Variants in FBXL7 observed in about 807,000 individuals in gnomAD.
FBXL7 encodes the protein F-box and leucine rich repeat protein 7.
In FBXL7, 12 loss-of-function variants were observed where a neutral mutation model predicts 38.3. The observed-to-expected ratio is 0.31, with a 90% CI of 0.20 to 0.51. The LOEUF is 0.51. Ranked by LOEUF, FBXL7 falls within the 20% of genes least tolerant of loss-of-function variation. The pLI, the probability that FBXL7 is intolerant of heterozygous loss-of-function variation, is 0.98. For synonymous variants in FBXL7, 297 were observed against 300.9 expected, an observed-to-expected ratio of 0.99 and a Z score of 0.13; for missense variants, 567 against 676.4, an observed-to-expected ratio of 0.84 and a Z score of 1.79.
intron 1 of FBXL7, among the ~76,000 whole-genome samples, chr5:15,598,404 GGATGAA>G (rs1243889589): frequency 2.0e-5 from 3 of 152,134 alleles, no homozygotes; most frequent in Admixed American, 6.5e-5. Flanking sequence ...TCTTACTTTA[GGATGAA>G]GATTTTTTTT....
chr5:15,775,696 A>G (rs112526187), intron 2 of FBXL7, among the ~76,000 whole-genome samples: 340 of 152,298 alleles, frequency 2.2e-3, no homozygotes, highest in African/African-American at 7.1e-3. Context: ...CAGAATTTCA[A>G]TGAGGCATGA....
intron 1 of FBXL7, among the ~76,000 whole-genome samples, chr5:15,536,087 T>G (rs1473539585): frequency 6.6e-6 from 1 of 152,224 alleles, no homozygotes; most frequent in Non-Finnish European, 1.5e-5. Flanking sequence ...AGCTTCCACA[T>G]GGTGTTGGGC....
intron 2 of FBXL7, among the ~76,000 whole-genome samples, chr5:15,732,582 A>G (rs886424600): frequency 5.3e-5 from 8 of 152,216 alleles, no homozygotes; most frequent in Non-Finnish European, 1.2e-4. Context: ...CATGTGTGAT[A>G]CCAGTTTAGG....
intron 2 of FBXL7, among the ~76,000 whole-genome samples, chr5:15,841,554 G>T (rs1473880262): frequency 1.3e-5 from 2 of 151,844 alleles, no homozygotes; most frequent in Admixed American, 1.3e-4. Flanking sequence ...CCACCTTCTT[G>T]CATTCCTGAA....
intron 1 of FBXL7, among the ~76,000 whole-genome samples, chr5:15,530,057 T>C (rs2126389484): frequency 6.6e-6 from 1 of 152,336 alleles, no homozygotes; most frequent in Admixed American, 6.5e-5. Context: ...TTGTATCTCT[T>C]AGATAATACC....
intron 2 of FBXL7, among the ~76,000 whole-genome samples, chr5:15,663,345 C>A (rs1049212911): frequency 1.2e-4 from 18 of 152,042 alleles, no homozygotes; most frequent in African/African-American, 4.3e-4. Context: ...TTTGTACATA[C>A]ATTTTGTATC....
intron 2 of FBXL7, among the ~76,000 whole-genome samples, chr5:15,840,364 T>TGAGGAGGAGGGGG (rs1561146795): frequency 2.5e-5 from 1 of 40,486 alleles, no homozygotes; most frequent in African/African-American, 5.4e-5. Context: ...CTCCTCCTCA[T>TGAGGAGGAGGGGG]TCTTTTCCAA....
chr5:15,903,573 T>C (rs912127791), intron 2 of FBXL7, among the ~76,000 whole-genome samples: 1 of 152,172 alleles, frequency 6.6e-6, no homozygotes, highest in Non-Finnish European at 1.5e-5. Context: ...TTTTGGAATA[T>C]CCTTTAAAGG....
At chr5:15,762,079 G>A (rs964845307) in intron 2 of FBXL7, among the ~76,000 whole-genome samples, 4 of 152,160 alleles carry the variant, frequency 2.6e-5, no homozygotes, top group Non-Finnish European at 5.9e-5. Context: ...TTAAGGTGTA[G>A]ACTGGGCTGT....
At chr5:15,845,069 T>G (rs1738856094) in intron 2 of FBXL7, among the ~76,000 whole-genome samples, 1 of 152,228 alleles carries the variant, frequency 6.6e-6, no homozygotes, top group Non-Finnish European at 1.5e-5. Context: ...GAAGCCATCC[T>G]GCAGCCTGGG....
intron 2 of FBXL7, among the ~76,000 whole-genome samples, chr5:15,692,238 C>T (rs530860766): frequency 6.6e-6 from 1 of 152,280 alleles, no homozygotes; most frequent in Non-Finnish European, 1.5e-5. Flanking sequence ...GTACCTACTT[C>T]ATAGAGATGG....
intron 2 of FBXL7, among the ~76,000 whole-genome samples, chr5:15,790,343 G>A (rs1737242073): frequency 1.3e-5 from 2 of 152,080 alleles, no homozygotes; most frequent in South Asian, 4.2e-4. Context: ...CTTGTCTGAT[G>A]TTGGTCCCTT....
At chr5:15,655,849 C>T (rs1741864398) in intron 2 of FBXL7, among the ~76,000 whole-genome samples, 1 of 152,108 alleles carries the variant, frequency 6.6e-6, no homozygotes. Context: ...CAAACCCTGG[C>T]CATTTGACTC....
At chr5:15,786,103 T>C (rs1487934831) in intron 2 of FBXL7, among the ~76,000 whole-genome samples, 1 of 152,204 alleles carries the variant, frequency 6.6e-6, no homozygotes, top group Non-Finnish European at 1.5e-5. Context: ...AAATCATTTT[T>C]TCTGCTAGTG....
chr5:15,750,412 A>G (rs961711990), intron 2 of FBXL7, among the ~76,000 whole-genome samples: 1 of 152,156 alleles, frequency 6.6e-6, no homozygotes, highest in African/African-American at 2.4e-5. Context: ...GCCTTCTTGT[A>G]CTACTTGCTA....
chr5:15,935,226 G>A (rs768030269), intron 3 of FBXL7: 1 of 534,734 alleles, frequency 1.9e-6, no homozygotes, highest in Non-Finnish European at 3.8e-6. Context: ...TTTTACACTT[G>A]GAGTGAACGG....
chr5:15,613,145 T>A (rs1054930637), intron 1 of FBXL7, among the ~76,000 whole-genome samples: 3 of 152,196 alleles, frequency 2.0e-5, no homozygotes, highest in African/African-American at 7.2e-5. Flanking sequence ...CCTTATTAAA[T>A]GGAGTGGTTT....
At chr5:15,663,336 T>C (rs1376084079) in intron 2 of FBXL7, among the ~76,000 whole-genome samples, 1 of 152,188 alleles carries the variant, frequency 6.6e-6, no homozygotes, top group Non-Finnish European at 1.5e-5. Flanking sequence ...CTAGTGATTT[T>C]TGTACATACA....
intron 1 of FBXL7, among the ~76,000 whole-genome samples, chr5:15,505,422 T>C (rs991629429): frequency 2.0e-5 from 3 of 152,162 alleles, no homozygotes; most frequent in Non-Finnish European, 1.5e-5. Flanking sequence ...TAAATATATG[T>C]TAACTTTTTA....
Sources: gnomAD v4.1 joint callset for allele counts (sites outside exome capture counted in the v4.1 genomes callset) on GRCh38, gnomAD v4.1.1 for gene constraint, MANE v1.5 for transcripts, NCBI Gene and HGNC (gene_info 2026-07-23, HGNC 2026-07-21) for gene names.